The following GTF2IRD2B variants were observed in gnomAD, a reference collection of about 807,000 sequenced individuals.
GTF2IRD2B encodes the protein GTF2I repeat domain containing 2B, also known as general transcription factor II-I repeat domain-containing protein 2B.
GTF2IRD2B carries 10 observed loss-of-function variants against 55.6 expected under a neutral mutation model. The observed-to-expected ratio is 0.18, with a 90% CI of 0.11 to 0.31. GTF2IRD2B has a LOEUF of 0.31. GTF2IRD2B is among the 10% of genes least tolerant of loss of function. GTF2IRD2B has a pLI of 1.00. For missense variants in GTF2IRD2B, 206 were observed against 802.7 expected (o/e 0.26, Z 8.98); for synonymous variants, 107 against 320.5 (o/e 0.33, Z 7.12).
intron 3 of GTF2IRD2B, among the ~76,000 whole-genome samples, chr7:75,114,094 TAGAGAG>T (rs781910109): frequency 3.5e-5 from 5 of 142,260 alleles, no homozygotes; most frequent in Admixed American, 1.4e-4. Context: ...GATGAATGGA[TAGAGAG>T]AGAGAGAGAG....
At chr7:75,093,164 G>GC in intron 1 of GTF2IRD2B, among the ~76,000 whole-genome samples, 2 of 151,162 alleles carry the variant, frequency 1.3e-5, no homozygotes, top group East Asian at 1.9e-4. Context: ...AGGCAACTGC[G>GC]CCCCGGATCC....
intron 2 of GTF2IRD2B, among the ~76,000 whole-genome samples, 158 bp downstream of exon 2, chr7:75,109,221 C>T (rs1265140511): frequency 7.0e-6 from 1 of 142,656 alleles, no homozygotes; most frequent in Non-Finnish European, 1.6e-5. Context: ...GTGGCACAAT[C>T]TCAGCTCACG....
At chr7:75,096,542 G>A (rs1190018008) in intron 1 of GTF2IRD2B, among the ~76,000 whole-genome samples, 3 of 99,692 alleles carry the variant, frequency 3.0e-5, no homozygotes, top group African/African-American at 1.6e-4. Flanking sequence ...CCCCGCCTCA[G>A]CCTCCCGAGT....
intron 1 of GTF2IRD2B, among the ~76,000 whole-genome samples, chr7:75,106,015 C>T (rs1265342673): frequency 9.6e-3 from 1,451 of 151,810 alleles, no homozygotes; most frequent in African/African-American, 0.034. Flanking sequence ...ACACCACATT[C>T]AAGTGGGCAA....
intron 1 of GTF2IRD2B, among the ~76,000 whole-genome samples, chr7:75,093,559 G>A (rs1807336064): frequency 6.6e-6 from 1 of 152,218 alleles, no homozygotes; most frequent in Non-Finnish European, 1.5e-5. Flanking sequence ...GTCATTCCCC[G>A]GTCCCCACCC....
chr7:75,132,105 T>C (rs1384862534), intron 8 of GTF2IRD2B, among the ~76,000 whole-genome samples: 1 of 145,690 alleles, frequency 6.9e-6, no homozygotes, highest in Non-Finnish European at 1.5e-5. Context: ...CGGTGGCTTA[T>C]GCCTGTAATC....
intron 2 of GTF2IRD2B, 107 bp from the exon 3 acceptor site, chr7:75,112,290 A>C: frequency 4.3e-6 from 1 of 233,840 alleles, no homozygotes; most frequent in Non-Finnish European, 7.3e-6. Flanking sequence ...AAATAAATAA[A>C]TATTCCTTTT....
At chr7:75,105,541 C>T (rs1807766518) in intron 1 of GTF2IRD2B, among the ~76,000 whole-genome samples, 1 of 152,300 alleles carries the variant, frequency 6.6e-6, no homozygotes, top group Non-Finnish European at 1.5e-5. Flanking sequence ...CTTTCCCTAT[C>T]CCTCCCTTCC....
intron 1 of GTF2IRD2B, among the ~76,000 whole-genome samples, chr7:75,102,844 A>G (rs1421381998): frequency 6.6e-6 from 1 of 151,856 alleles, no homozygotes; most frequent in Non-Finnish European, 1.5e-5. Flanking sequence ...CTGTAATCCC[A>G]GCTACTTGGG....
At chr7:75,105,683 T>G (rs1807774606) in intron 1 of GTF2IRD2B, among the ~76,000 whole-genome samples, 1 of 152,428 alleles carries the variant, frequency 6.6e-6, no homozygotes, top group African/African-American at 2.4e-5. Flanking sequence ...GATCCTCGAG[T>G]GTCTTCAAAG....
rs1363873254 is a variant in GTF2IRD2B at position 75,102,297 on chromosome 7, G to A, written c.-5-6663G>A. Among the ~76,000 whole-genome samples, 12 of 150,358 alleles carry A rather than the reference G, an allele frequency of 8.0e-5. 1 individual carries two copies. Among genetic ancestry groups the A allele is most frequent in the East Asian group, 1.9e-4 (1 of 5,130 alleles). ...ATTACAGGCGTGAGCCACTGTGCCC[G>A]GCCATCACAGTCAATTTTTGAACAT... On this transcript the variant is annotated intron_variant, in intron 1 of 15. Coordinates refer to ENST00000472837, the MANE Select transcript of GTF2IRD2B (RefSeq NM_001003795.3).
At chr7:75,107,386 T>C (rs1346225998) in intron 1 of GTF2IRD2B, among the ~76,000 whole-genome samples, 1 of 150,982 alleles carries the variant, frequency 6.6e-6, no homozygotes, top group African/African-American at 2.4e-5. Context: ...CCATCCTGGC[T>C]AACATGGTGA....
chr7:75,115,458 C>T (rs1278465505), intron 3 of GTF2IRD2B, among the ~76,000 whole-genome samples: 1 of 147,744 alleles, frequency 6.8e-6, no homozygotes, highest in African/African-American at 2.5e-5. Context: ...GAATCTCGCT[C>T]TATCGCCCAG....
intron 1 of GTF2IRD2B, among the ~76,000 whole-genome samples, chr7:75,107,292 C>T (rs1234095524): frequency 1.3e-5 from 2 of 152,106 alleles, no homozygotes; most frequent in Non-Finnish European, 2.9e-5. Context: ...AGGCTGGGTG[C>T]GGGCCGGGCG....
intron 1 of GTF2IRD2B, among the ~76,000 whole-genome samples, chr7:75,097,300 C>CT (rs1475898134): frequency 5.8e-4 from 26 of 44,904 alleles, no homozygotes; most frequent in African/African-American, 2.5e-3. Flanking sequence ...CATAGTGAAA[C>CT]TTTGTCTCTA....
intron 1 of GTF2IRD2B, among the ~76,000 whole-genome samples, chr7:75,104,146 G>A (rs1473694864): frequency 3.1e-5 from 4 of 127,118 alleles, no homozygotes; most frequent in South Asian, 2.8e-4. Flanking sequence ...GTTTTTAGAT[G>A]GAATCTTACT....
Position 75,119,172 on chromosome 7 carries a change from C to T in GTF2IRD2B, c.239-1719C>T, listed in dbSNP as rs1300865586. 2.2e-4 allele frequency among the ~76,000 whole-genome samples: 18 copies of T among 80,982 alleles called. No homozygotes were observed. The East Asian group carries it at 2.6e-3, about 12-fold the overall frequency. 53.1% of individuals were successfully genotyped at this position (80,982 alleles called of 152,430 possible). A position where few individuals can be genotyped will look rare whatever the true frequency, so the allele number is the denominator to read the frequency against. On this transcript the variant is annotated intron_variant, in intron 3 of 15. Transcript: ENST00000472837. ...TCATGCCATTGCACTCCAGCTTAGG[C>T]GACAGAGTAAGACTCTCTCAAAAAA...
Position 75,149,465 on chromosome 7 carries a change from C to T in GTF2IRD2B, c.*168C>T, listed in dbSNP as rs1809264085. ...GCGTGATCTCGGCTTACTGCAACTT[C>T]CAGCTCCTGGGTTCGAACGATTCTC... On this transcript the variant is annotated 3_prime_UTR_variant, in exon 16 of 16. Coordinates refer to ENST00000472837, the MANE Select transcript of GTF2IRD2B (RefSeq NM_001003795.3). 3.3e-6 allele frequency: 2 copies of T among 598,074 alleles called. No homozygotes were observed. The highest frequency in any genetic ancestry group is 4.0e-5 in the South Asian group (2 of 50,342). The allele number at this position is 598,074 out of a possible 1,614,324, so 37.0% of individuals were successfully genotyped here.
chr7:75,107,353 A>T (rs1807839697), intron 1 of GTF2IRD2B, among the ~76,000 whole-genome samples: 1 of 151,928 alleles, frequency 6.6e-6, no homozygotes. Context: ...AGGTGGGCGG[A>T]TCACGAGGTC....
Sources: gnomAD v4.1 joint callset for allele counts (sites outside exome capture counted in the v4.1 genomes callset) on GRCh38, gnomAD v4.1.1 for gene constraint, MANE v1.5 for transcripts, NCBI Gene and HGNC (gene_info 2026-07-23, HGNC 2026-07-21) for gene names.